Variants in TNIK observed in about 807,000 individuals in gnomAD.
The protein encoded by TNIK is TRAF2 and NCK interacting kinase.
Under a neutral mutation model 191.3 loss-of-function variants are expected in TNIK, and 49 were observed. The observed-to-expected ratio is 0.26, with a 90% confidence interval of 0.20 to 0.32. The LOEUF (loss-of-function observed/expected upper bound fraction) is 0.32. Ranked by LOEUF, TNIK falls within the 10% of genes least tolerant of loss-of-function variation. The pLI is 1.00. For synonymous variants in TNIK, 594 were observed against 600.9 expected (o/e 0.99, Z 0.17); for missense variants, 1,155 against 1,702.3 (o/e 0.68, Z 5.66).
chr3:171,447,175 A>T (rs753435318), intron 1 of TNIK, among the ~76,000 whole-genome samples: 4 of 152,184 alleles, frequency 2.6e-5, no homozygotes, highest in Non-Finnish European at 5.9e-5. Context: ...TGGGTAACAG[A>T]GCTAGACTCC....
At chr3:171,427,414 G>A (rs1422308415) in intron 1 of TNIK, among the ~76,000 whole-genome samples, 1 of 151,954 alleles carries the variant, frequency 6.6e-6, no homozygotes, top group African/African-American at 2.4e-5. Flanking sequence ...CCTTTTCTTA[G>A]GCATATTAGA....
At chr3:171,369,023 C>T (rs987854936) in intron 2 of TNIK, among the ~76,000 whole-genome samples, 2 of 151,498 alleles carry the variant, frequency 1.3e-5, no homozygotes, top group African/African-American at 2.4e-5. Flanking sequence ...GGGGAAAATA[C>T]CTTTTAAAAA....
chr3:171,210,854 A>AGG (rs1560267660), intron 4 of TNIK, among the ~76,000 whole-genome samples: 5 of 149,188 alleles, frequency 3.4e-5, no homozygotes, highest in East Asian at 2.0e-4. Context: ...AATTAGTGAA[A>AGG]AAAAAAAAAA....
intron 2 of TNIK, chr3:171,347,022 G>T: frequency 1.0e-6 from 1 of 972,024 alleles, no homozygotes; most frequent in Non-Finnish European, 1.5e-6. Context: ...CAGTCCTGCA[G>T]GCGTTCATAT....
intron 1 of TNIK, among the ~76,000 whole-genome samples, chr3:171,402,509 T>C (rs541576032): frequency 6.6e-6 from 1 of 152,312 alleles, no homozygotes; most frequent in East Asian, 1.9e-4. Flanking sequence ...GTACTCACAG[T>C]TTCCAAAACC....
intron 2 of TNIK, among the ~76,000 whole-genome samples, chr3:171,319,703 G>A (rs1028028345): frequency 3.3e-5 from 5 of 152,090 alleles, no homozygotes; most frequent in African/African-American, 7.2e-5. Flanking sequence ...ATAGCCTTAC[G>A]TTTCTCAAGG....
Position 171,429,493 on chromosome 3 carries a change from A to G in TNIK, c.57+30514T>C, listed in dbSNP as rs376559542. ...TATTTTCCTTTTAAATATGTTTTCT[A>G]CTAGGTACATTTTCCCCTTTGAAAT... On this transcript the variant is annotated intron_variant, in intron 1 of 32. Coordinates refer to ENST00000436636, the MANE Select transcript of TNIK (RefSeq NM_015028.4). Among the ~76,000 whole-genome samples, 214 of 152,308 alleles carry G rather than the reference A, an allele frequency of 1.4e-3. 2 individuals are homozygous for G. Among genetic ancestry groups the G allele is most frequent in the African/African-American group, 5.0e-3 (208 of 41,574 alleles).
chr3:171,199,514 G>A lies in TNIK; in HGVS notation c.307-4879C>T, dbSNP rs181824240. 9.7e-4 allele frequency among the ~76,000 whole-genome samples: 148 copies of A among 152,346 alleles called. 1 individual carries two copies. Among genetic ancestry groups the A allele is most frequent in the African/African-American group, 3.3e-3 (137 of 41,572 alleles). The stretch of plus-strand genomic sequence containing the variant: ...GAATTTACCATGTGCCAGGCACTGG[G>A]TGAAGCGATTTACAAATGCTTCGTT... On this transcript the variant is annotated intron_variant, in intron 4 of 32. Coordinates refer to ENST00000436636, the MANE Select transcript of TNIK (RefSeq NM_015028.4).
rs1717869622 is a variant in TNIK at position 171,061,912 on chromosome 3, T to G, written c.*1969A>C. On this transcript the variant is annotated 3_prime_UTR_variant, in exon 33 of 33. Transcript: ENST00000436636. ...AGAGCTAAAGGGACCATGAGGAGGA[T>G]ATCTTGCTGATTGCCTGAAGATAAT... 1 of 152,322 alleles carries G rather than the reference T, an allele frequency of 6.6e-6. No individual in the cohort carries two copies. The highest frequency in any genetic ancestry group is 1.5e-5 in the Non-Finnish European group (1 of 68,020). 9.4% of individuals were successfully genotyped at this position (152,322 alleles called of 1,614,324 possible).
intron 12 of TNIK, among the ~76,000 whole-genome samples, chr3:171,151,689 T>C (rs966747881): frequency 1.3e-5 from 2 of 152,240 alleles, no homozygotes; most frequent in Non-Finnish European, 2.9e-5. Context: ...TCTTAGGCTC[T>C]AGAGTCTATG....
At chr3:171,424,328 A>C (rs1039513607) in intron 1 of TNIK, among the ~76,000 whole-genome samples, 3 of 152,214 alleles carry the variant, frequency 2.0e-5, no homozygotes, top group African/African-American at 7.2e-5. Context: ...AAAAGTCAGG[A>C]AACAACAGGT....
At chr3:171,115,024 TTAAA>T (rs1340620924) in intron 18 of TNIK, among the ~76,000 whole-genome samples, 10 of 152,332 alleles carry the variant, frequency 6.6e-5, no homozygotes, top group African/African-American at 2.4e-4. Flanking sequence ...TTATGCATAA[TTAAA>T]TAATTCCAAA....
chr3:171,452,352 C>T (rs1728264390), intron 1 of TNIK, among the ~76,000 whole-genome samples: 1 of 152,158 alleles, frequency 6.6e-6, no homozygotes, highest in Non-Finnish European at 1.5e-5. Flanking sequence ...TTTAAATGCC[C>T]TCAGTCCTGC....
chr3:171,178,858 GAA>G (rs1251045457), intron 7 of TNIK, among the ~76,000 whole-genome samples: 1 of 152,204 alleles, frequency 6.6e-6, no homozygotes, highest in Admixed American at 6.5e-5. Flanking sequence ...AAGGCCACAT[GAA>G]AAAGAGATGT....
intron 1 of TNIK, among the ~76,000 whole-genome samples, chr3:171,441,040 G>A (rs568995513): frequency 1.3e-5 from 2 of 152,250 alleles, no homozygotes; most frequent in East Asian, 1.9e-4. Context: ...ACGAAAATAC[G>A]TAGAAAGCAG....
intron 12 of TNIK, among the ~76,000 whole-genome samples, chr3:171,148,596 T>A (rs965137002): frequency 2.0e-5 from 3 of 152,210 alleles, no homozygotes; most frequent in Non-Finnish European, 4.4e-5. Flanking sequence ...GACAAGCCAG[T>A]TATAAACCAG....
chr3:171,273,229 G>A (rs1749340331), intron 2 of TNIK, among the ~76,000 whole-genome samples: 1 of 152,194 alleles, frequency 6.6e-6, no homozygotes. Flanking sequence ...CTAAAGCCTG[G>A]AGCTACAGGG....
chr3:171,190,831 C>T, intron 5 of TNIK, 44 bp from the exon 6 acceptor site: 1 of 1,405,134 alleles, frequency 7.1e-7, no homozygotes, highest in Non-Finnish European at 9.8e-7. Context: ...GAACATAAGC[C>T]AAGATGCCAA....
intron 2 of TNIK, among the ~76,000 whole-genome samples, chr3:171,252,476 G>A (rs1219829654): frequency 1.3e-5 from 2 of 152,200 alleles, no homozygotes; most frequent in Non-Finnish European, 2.9e-5. Context: ...ATCTGAAAGT[G>A]TCATAAATTT....
Sources: allele counts gnomAD v4.1 joint callset (sites outside exome capture counted in the v4.1 genomes callset), GRCh38; gene constraint gnomAD v4.1.1; transcripts MANE v1.5; gene names NCBI Gene and HGNC (gene_info 2026-07-23, HGNC 2026-07-21).